SESN3: variants seen among roughly 807,000 people sequenced by gnomAD.
The protein encoded by SESN3 is sestrin-3.
A neutral mutation model predicts 55.3 loss-of-function variants in SESN3; 21 were observed. The observed-to-expected ratio is 0.38, with a 90% confidence interval of 0.27 to 0.55. The LOEUF (loss-of-function observed/expected upper bound fraction) is 0.55, where lower values mean the gene tolerates loss of function less well. SESN3 is among the 20% of genes least tolerant of loss of function. The probability of loss-of-function intolerance (pLI) is 0.76; values close to 1 mark genes in which losing one functional copy is unlikely to be tolerated. For missense variants in SESN3, 408 were observed against 604.3 expected, an observed-to-expected ratio of 0.68 and a Z score of 3.41; for synonymous variants, 181 against 203.1, an observed-to-expected ratio of 0.89 and a Z score of 0.93.
rs1050839254 is a variant in SESN3, at chr11:95,169,901, A to G, written c.*3354T>C. 1.3e-5 allele frequency: 2 copies of G among 152,204 alleles called. No homozygotes were observed. The highest frequency in any genetic ancestry group is 2.9e-5 in the Non-Finnish European group (2 of 68,032). 9.4% of individuals were successfully genotyped at this position (152,204 alleles called of 1,614,324 possible). A position where few individuals can be genotyped will look rare whatever the true frequency, so the allele number is the denominator to read the frequency against. ...AAATAGGAGCTCTGGTTCAAATTTT[A>G]TAGGATTCTTATATAAAACTTATAT... On this transcript the variant is annotated 3_prime_UTR_variant, in exon 10 of 10. Coordinates refer to ENST00000536441, the MANE Select transcript of SESN3 (RefSeq NM_144665.4).
intron 2 of SESN3, among the ~76,000 whole-genome samples, chr11:95,192,934 A>G (rs1336820662): frequency 6.2e-5 from 9 of 145,872 alleles, no homozygotes; most frequent in African/African-American, 2.2e-4. Context: ...ACATTAATAG[A>G]TTCATATGAT....
intron 1 of SESN3, among the ~76,000 whole-genome samples, chr11:95,215,295 T>C (rs188807940): frequency 6.6e-5 from 10 of 151,816 alleles, no homozygotes; most frequent in African/African-American, 2.2e-4. Context: ...AAACTCCCAG[T>C]TGATACTGAT....
At position 95,193,493 on chromosome 11, in the gene SESN3, C is replaced by G. The variant is rs748459759; in HGVS notation, c.108G>C (p.Leu36Phe). The change falls in exon 2 of 10, where the codon TTG (leucine) becomes TTC (phenylalanine). Residue 36 changes from leucine (L) to phenylalanine (F), a missense_variant. Physicochemically the swap from Leu to Phe is conservative, Grantham distance 22. Transcript: ENST00000536441. ...KDKRIRVSQP[L>F]TRGPSAFIPE... The stretch of plus-strand genomic sequence containing the variant: ...GAATAAAGGCACTTGGTCCTCTTGT[C>G]AAGGGTTGAGACACTCTGATTCTTT... 3 of 1,596,464 alleles carry G rather than the reference C, an allele frequency of 1.9e-6. No homozygotes were observed. Among genetic ancestry groups the G allele is most frequent in the Non-Finnish European group, 2.6e-6 (3 of 1,165,154 alleles).
At chr11:95,189,022 TAAC>T (rs1442062350) in intron 4 of SESN3, among the ~76,000 whole-genome samples, 1 of 151,812 alleles carries the variant, frequency 6.6e-6, no homozygotes, top group Non-Finnish European at 1.5e-5. Context: ...AAAGGGCAAA[TAAC>T]AAAAATGTAG....
intron 1 of SESN3, among the ~76,000 whole-genome samples, chr11:95,209,164 C>T (rs11828301): frequency 0.01 from 1,574 of 151,538 alleles, 56 homozygotes; most frequent in African/African-American, 0.036. Flanking sequence ...TTTTTGCAAT[C>T]TATCCATCTG....
intron 1 of SESN3, among the ~76,000 whole-genome samples, chr11:95,219,741 A>G (rs1860824255): frequency 7.2e-6 from 1 of 138,786 alleles, no homozygotes. Context: ...TCCTTGGAGT[A>G]AACATATTGA....
rs1305954562 is a variant in SESN3 at position 95,220,619 on chromosome 11, A to C, written c.78+10164T>G. The stretch of plus-strand genomic sequence containing the variant: ...AATGTAAAAATAAGATACAATACAA[A>C]TGAATTTGAAATCACTCCTATAAAC... On this transcript the variant is annotated intron_variant, in intron 1 of 9. Coordinates refer to ENST00000536441, the MANE Select transcript of SESN3 (RefSeq NM_144665.4). Among the ~76,000 whole-genome samples, 3 of 152,230 alleles carry C rather than the reference A, an allele frequency of 2.0e-5. No homozygotes were observed. The East Asian group carries it at 5.8e-4, about 29-fold the overall frequency.
rs1272666149 is a variant in SESN3 at position 95,169,023 on chromosome 11, C to T, written c.*4232G>A. On this transcript the variant is annotated 3_prime_UTR_variant, in exon 10 of 10. Coordinates refer to ENST00000536441, the MANE Select transcript of SESN3 (RefSeq NM_144665.4). ...ATGTTCCTCATATTCTTTGAAAACT[C>T]TTCCTTCCTCATAGGGCTCTGCCTT... is the stretch of plus-strand genomic sequence containing the variant. 2 of 152,240 alleles carry T rather than the reference C, an allele frequency of 1.3e-5. No individual in the cohort carries two copies. Among genetic ancestry groups the T allele is most frequent in the Admixed American group, 1.3e-4 (2 of 15,280 alleles). The allele number at this position is 152,240 out of a possible 1,614,324, so 9.4% of individuals were successfully genotyped here. A position where few individuals can be genotyped will look rare whatever the true frequency, so the allele number is the denominator to read the frequency against.
chr11:95,200,833 G>A (rs1006963293), intron 1 of SESN3: 2 of 152,054 alleles, frequency 1.3e-5, no homozygotes, highest in South Asian at 2.1e-4. Context: ...TATGAAATTC[G>A]ATTTTTAACT....
At chr11:95,213,890 G>A (rs561205399) in intron 1 of SESN3, among the ~76,000 whole-genome samples, 25 of 151,500 alleles carry the variant, frequency 1.7e-4, no homozygotes, top group East Asian at 1.9e-4. Flanking sequence ...GAAGGAATTC[G>A]GTAACATTTC....
At chr11:95,177,663 C>T in intron 8 of SESN3, 56 bp downstream of exon 8, 2 of 1,352,400 alleles carry the variant, frequency 1.5e-6, no homozygotes, top group Middle Eastern at 3.7e-4. Flanking sequence ...AAAAATAAGA[C>T]TCATGCTTGA....
Position 95,230,839 on chromosome 11 carries a change from G to A in SESN3, c.22C>T (p.Pro8Ser). 2 of 1,583,798 alleles carry A rather than the reference G, an allele frequency of 1.3e-6. No individual in the cohort carries two copies. The highest frequency in any genetic ancestry group is 1.7e-6 in the Non-Finnish European group (2 of 1,169,766). ...AGCAGGTAGTTGGCGGCGGCCGACG[G>A]GCTGCCGCCGCCCCGGTTCATCGTG... MNRGGGS[P>S]SAAANYLLCT... The change falls in exon 1 of 10, where the codon CCG becomes TCG. Residue 8 changes from proline to serine, a missense_variant. Coordinates refer to ENST00000536441, the MANE Select transcript of SESN3 (RefSeq NM_144665.4). This position sits in a 1 kb window ranked among gnomAD's most constrained non-coding sequence, Gnocchi z 4.6.
rs191441775 is a variant in SESN3 at position 95,182,581 on chromosome 11, A to G, written c.937+1839T>C. Among the ~76,000 whole-genome samples, 100 of 152,300 alleles carry G rather than the reference A, an allele frequency of 6.6e-4. 1 individual carries two copies. Among genetic ancestry groups the G allele is most frequent in the African/African-American group, 2.0e-3 (85 of 41,572 alleles). ...CTAAACTGACTGATTCAACTTCTGC[A>G]TCTCAACAAGATTCCCCAAGTGACT... On this transcript the variant is annotated intron_variant, in intron 6 of 9. Transcript: ENST00000536441.
chr11:95,191,382 A>G (rs1192535662), intron 3 of SESN3, 22 bp downstream of exon 3: 7 of 1,564,022 alleles, frequency 4.5e-6, no homozygotes, highest in South Asian at 4.4e-5. Flanking sequence ...TGTTATGTGA[A>G]CATAGGAAAA....
Position 95,166,563 on chromosome 11 carries a change from TAA to T in SESN3, c.*6690_*6691del, listed in dbSNP as rs923686945. The T allele has an allele frequency of 3.3e-5, 5 of 152,210 alleles. No individual in the cohort carries two copies. The highest frequency in any genetic ancestry group is 9.6e-5 in the African/African-American group (4 of 41,458). The allele number at this position is 152,210 out of a possible 1,614,324, so 9.4% of individuals were successfully genotyped here. On this transcript the variant is annotated 3_prime_UTR_variant, in exon 10 of 10. Transcript: ENST00000536441. ...GCTGTCCTGCAAAACCAGGATTTTT[TAA>T]AAAGAGTTTTCAAGTTCAACTTCTA... is the stretch of plus-strand genomic sequence containing the variant.
At chr11:95,183,448 C>T (rs912458626) in intron 6 of SESN3, among the ~76,000 whole-genome samples, 5 of 151,964 alleles carry the variant, frequency 3.3e-5, no homozygotes, top group Admixed American at 1.3e-4. Flanking sequence ...TAACAAGTTA[C>T]GGCTGAAACA....
chr11:95,190,773 C>T (rs1426529420), intron 3 of SESN3, among the ~76,000 whole-genome samples: 1 of 151,646 alleles, frequency 6.6e-6, no homozygotes, highest in Non-Finnish European at 1.5e-5. Flanking sequence ...CCTGTCAGCC[C>T]AGTTTCTTCC....
rs1555116721 is a variant in SESN3 at position 95,167,475 on chromosome 11, C to CATATAT, written c.*5774_*5779dup. ...TCAGATATTCATTCTGTTTCCCCCCCATATATATAATTTTTCATTCTGTAC... is the reference window on the plus strand; with the variant it reads ...TCAGATATTCATTCTGTTTCCCCCCCATATATATATATATAATTTTTCATTCTGTAC... On this transcript the variant is annotated 3_prime_UTR_variant, in exon 10 of 10. Transcript: ENST00000536441. 9 of 150,824 alleles carry CATATAT rather than the reference C, an allele frequency of 6.0e-5. No homozygotes were observed. Among genetic ancestry groups the CATATAT allele is most frequent in the African/African-American group, 2.2e-4 (9 of 40,224 alleles). The allele number at this position is 150,824 out of a possible 1,614,324, so 9.3% of individuals were successfully genotyped here.
rs1292914443 is a variant in SESN3, at chr11:95,176,565, C to G, written c.1248-923G>C. Among the ~76,000 whole-genome samples the G allele has an allele frequency of 2.0e-5, 3 of 152,112 alleles. No homozygotes were observed. In the East Asian group the frequency reaches 5.8e-4, roughly 29 times the overall value. The stretch of plus-strand genomic sequence containing the variant: ...CAGTAATGACAGCAGAGTAAATGGG[C>G]ACAGATGTAGACAGGTAGGTAAATG... On this transcript the variant is annotated intron_variant, in intron 8 of 9. Transcript: ENST00000536441.
Sources: allele counts gnomAD v4.1 joint callset (sites outside exome capture counted in the v4.1 genomes callset), GRCh38; gene constraint gnomAD v4.1.1; non-coding constraint Gnocchi (gnomAD v3.1); transcripts MANE v1.5; gene names NCBI Gene and HGNC (gene_info 2026-07-23, HGNC 2026-07-21).